Variants in KBTBD2 observed in about 807,000 individuals in gnomAD.
KBTBD2 encodes the protein kelch repeat and BTB domain containing 2.
In KBTBD2, 17 loss-of-function variants were observed where a neutral mutation model predicts 57.1. The ratio of observed to expected loss-of-function variants is 0.30; its 90% CI spans 0.20 to 0.45. The LOEUF is 0.45. Among genes scored for constraint, KBTBD2 ranks in the 20% least tolerant of loss-of-function variants. KBTBD2 has a pLI of 1.00. For synonymous variants in KBTBD2, 267 were observed against 262.7 expected (o/e 1.02, Z -0.16); for missense variants, 515 against 750.6 (o/e 0.69, Z 3.67).
Position 32,874,997 on chromosome 7 carries a change from G to A in KBTBD2, c.331C>T (p.Leu111=). The change falls in exon 3 of 4, where the codon CTA becomes TTA. Residue 111 remains leucine (L), a synonymous_variant. Coordinates refer to ENST00000304056, the MANE Select transcript of KBTBD2 (RefSeq NM_015483.3). ...VEQLYETACF[L]QVEDVLQRCR... Reference sequence around the variant, plus strand: ...AAAAATATATATATGCTTACCTGTAGGAAGCAAGCTGTTTCATAAAGCTGT... The same window carrying A: ...AAAAATATATATATGCTTACCTGTAAGAAGCAAGCTGTTTCATAAAGCTGT... 2 of 1,613,780 alleles carry A rather than the reference G, an allele frequency of 1.2e-6. No individual in the cohort carries two copies. The highest frequency in any genetic ancestry group is 1.3e-5 in the African/African-American group (1 of 75,026).
intron 3 of KBTBD2, among the ~76,000 whole-genome samples, chr7:32,872,110 G>C (rs1417894841): frequency 6.6e-6 from 1 of 152,110 alleles, no homozygotes; most frequent in African/African-American, 2.4e-5. Context: ...ACAGGGAGGA[G>C]GATTACTTGA....
Position 32,870,672 on chromosome 7 carries a change from C to A in KBTBD2, c.545G>T (p.Ser182Ile). 1 of 1,614,110 alleles carries A rather than the reference C, an allele frequency of 6.2e-7. No homozygotes were observed. Reference protein sequence around the residue: ...LSHDLLIDILSSDNLNVEKEE... With the variant: ...LSHDLLIDILISDNLNVEKEE... ...CTTTTCTACATTTAAATTGTCACTACTGAGAATATCTATCAGTAGGTCATG... is the reference window on the plus strand; with the variant it reads ...CTTTTCTACATTTAAATTGTCACTAATGAGAATATCTATCAGTAGGTCATG... The change falls in exon 4 of 4, where the codon AGT becomes ATT. Residue 182 changes from serine (S) to isoleucine (I), a missense_variant. Ser to Ile is a moderately radical substitution (Grantham distance 142). Transcript: ENST00000304056.
intron 1 of KBTBD2, among the ~76,000 whole-genome samples, chr7:32,883,735 A>C (rs1270379210): frequency 6.6e-6 from 1 of 152,246 alleles, no homozygotes; most frequent in Non-Finnish European, 1.5e-5. Context: ...TTCTGAATGA[A>C]TGGCTAAATT....
rs1431356574 is a variant in KBTBD2, at chr7:32,868,745, A to AAGTT, written c.*596_*599dup. On this transcript the variant is annotated 3_prime_UTR_variant, in exon 4 of 4. Coordinates refer to ENST00000304056, the MANE Select transcript of KBTBD2 (RefSeq NM_015483.3). ...ACCTGTATTCTAGATAGACAAGTATAAGTTAGTGAAAAGAGAATACATGCA... is the reference window on the plus strand; with the variant it reads ...ACCTGTATTCTAGATAGACAAGTATAAGTTAGTTAGTGAAAAGAGAATACATGCA... The AAGTT allele has an allele frequency of 6.5e-6, 1 of 152,672 alleles. No individual in the cohort carries two copies. The highest frequency in any genetic ancestry group is 2.4e-5 in the African/African-American group (1 of 41,448). 9.5% of individuals were successfully genotyped at this position (152,672 alleles called of 1,614,324 possible). A position where few individuals can be genotyped will look rare whatever the true frequency, so the allele number is the denominator to read the frequency against.
chr7:32,869,242 T>C lies in KBTBD2; in HGVS notation c.*103A>G, dbSNP rs1784104624. 3 of 780,364 alleles carry C rather than the reference T, an allele frequency of 3.8e-6. No individual in the cohort carries two copies. Among genetic ancestry groups the C allele is most frequent in the Non-Finnish European group, 6.1e-6 (3 of 491,748 alleles). The allele number at this position is 780,364 out of a possible 1,614,324, so 48.3% of individuals were successfully genotyped here. ...GCATAAAAATAAAATTTATCAAAGATAGAATTTTATGTACTCATATTTAGT... is the reference window on the plus strand; with the variant it reads ...GCATAAAAATAAAATTTATCAAAGACAGAATTTTATGTACTCATATTTAGT... On this transcript the variant is annotated 3_prime_UTR_variant, in exon 4 of 4. Transcript: ENST00000304056.
chr7:32,879,655 C>A lies in KBTBD2; in HGVS notation c.-51G>T. On this transcript the variant is annotated 5_prime_UTR_variant, in exon 2 of 4. Transcript: ENST00000304056. ...GAACAGATTAGAAAAGTCCGTCTTA[C>A]TGATGGAAGGTCAAGTGAATACTTC... 6.8e-7 allele frequency: 1 copy of A among 1,476,204 alleles called. No individual in the cohort carries two copies. Among genetic ancestry groups the A allele is most frequent in the Non-Finnish European group, 9.4e-7 (1 of 1,067,100 alleles). The allele number at this position is 1,476,204 out of a possible 1,614,324, so 91.4% of individuals were successfully genotyped here.
intron 1 of KBTBD2, among the ~76,000 whole-genome samples, chr7:32,880,570 T>G (rs576701305): frequency 1.1e-3 from 165 of 148,864 alleles, no homozygotes; most frequent in African/African-American, 3.8e-3. Context: ...AAACATAAAA[T>G]GTAATGGGTA....
chr7:32,870,930 C>T lies in KBTBD2; in HGVS notation c.337-50G>A, dbSNP rs755061209. The stretch of plus-strand genomic sequence containing the variant: ...CAGGCTGATAGGGCCAGGACAGACA[C>T]ATTTTACTTTTATGTAAGACGTAAG... On this transcript the variant is annotated intron_variant, in intron 3 of 3. Coordinates refer to ENST00000304056, the MANE Select transcript of KBTBD2 (RefSeq NM_015483.3). 3 of 1,159,536 alleles carry T rather than the reference C, an allele frequency of 2.6e-6. No individual in the cohort carries two copies. The Admixed American group carries it at 8.6e-5, about 33-fold the overall frequency. 71.8% of individuals were successfully genotyped at this position (1,159,536 alleles called of 1,614,324 possible).
rs941909211 is a variant in KBTBD2 at position 32,891,619 on chromosome 7, G to T, written c.-422C>A. 1 of 149,770 alleles carries T rather than the reference G, an allele frequency of 6.7e-6. No homozygotes were observed. Among genetic ancestry groups the T allele is most frequent in the Non-Finnish European group, 1.5e-5 (1 of 67,184 alleles). The allele number at this position is 149,770 out of a possible 1,614,324, so 9.3% of individuals were successfully genotyped here. The stretch of plus-strand genomic sequence containing the variant: ...GGGCCCCTCCGGCGCGGCGGCGGGG[G>T]CGTGGCCCTCCCGCCGCGGCCTCGC... On this transcript the variant is annotated 5_prime_UTR_variant, in exon 1 of 4. Transcript: ENST00000304056.
chr7:32,887,141 A>T (rs182159672), intron 1 of KBTBD2, among the ~76,000 whole-genome samples: 2 of 152,342 alleles, frequency 1.3e-5, no homozygotes, highest in East Asian at 3.9e-4. Context: ...CGAATAAAGG[A>T]TTAAAGAACT....
At chr7:32,879,369 T>A in intron 2 of KBTBD2, 66 bp downstream of exon 2, 1 of 1,231,000 alleles carries the variant, frequency 8.1e-7, no homozygotes. Context: ...AAAATTGAGA[T>A]GTGGCTTTTT....
intron 1 of KBTBD2, among the ~76,000 whole-genome samples, chr7:32,884,156 T>C (rs933575079): frequency 2.0e-5 from 3 of 152,186 alleles, no homozygotes; most frequent in South Asian, 2.1e-4. Context: ...GAAAAACTTA[T>C]TGAAGACCTA....
At chr7:32,878,304 T>C (rs1158607568) in intron 2 of KBTBD2, among the ~76,000 whole-genome samples, 1 of 151,100 alleles carries the variant, frequency 6.6e-6, no homozygotes, top group African/African-American at 2.4e-5. Flanking sequence ...GAACAGGCGG[T>C]GCGCAGTGGC....
At position 32,891,319 on chromosome 7, in the gene KBTBD2, TGGGGCCGCCGC is replaced by T. The variant is rs1196058178; in HGVS notation, c.-339+206_-339+216del. ...GGACCTGCCCGGAGCTCCGCCGCCC[TGGGGCCGCCGC>T]GGGGTGCGGAGGGCGGCGCCGGCCG... is the stretch of plus-strand genomic sequence containing the variant. On this transcript the variant is annotated intron_variant, in intron 1 of 3. Transcript: ENST00000304056. Among the ~76,000 whole-genome samples the T allele has an allele frequency of 1.7e-4, 25 of 147,958 alleles. 1 individual carries two copies. In the South Asian group the frequency reaches 5.0e-3, roughly 30 times the overall value.
At chr7:32,874,926 G>A (rs1308235896) in intron 3 of KBTBD2, 66 bp downstream of exon 3, 26 of 1,381,374 alleles carry the variant, frequency 1.9e-5, no homozygotes, top group South Asian at 1.5e-4. Flanking sequence ...AGCGGAGATC[G>A]TGCCACTGCA....
chr7:32,882,454 G>A lies in KBTBD2; in HGVS notation c.-338-2512C>T, dbSNP rs977961196. On this transcript the variant is annotated intron_variant, in intron 1 of 3. Transcript: ENST00000304056. ...TTTACGACTGGGTTTTGCCAGATTT[G>A]ATTTTTTATCGTATCCATGAAACCG... Among the ~76,000 whole-genome samples, 4 of 152,242 alleles carry A rather than the reference G, an allele frequency of 2.6e-5. No homozygotes were observed. The South Asian group carries it at 8.3e-4, about 32-fold the overall frequency.
At chr7:32,876,951 C>T (rs1381287650) in intron 2 of KBTBD2, among the ~76,000 whole-genome samples, 1 of 152,102 alleles carries the variant, frequency 6.6e-6, no homozygotes. Context: ...AAGTGAAACT[C>T]CACCTCAAAA....
At chr7:32,888,764 C>A (rs1264446620) in intron 1 of KBTBD2, among the ~76,000 whole-genome samples, 3 of 151,550 alleles carry the variant, frequency 2.0e-5, no homozygotes, top group African/African-American at 4.8e-5. Context: ...TAGGTCTGTT[C>A]TCTCTTTCCA....
chr7:32,885,901 T>G (rs570967077), intron 1 of KBTBD2, among the ~76,000 whole-genome samples: 8 of 119,070 alleles, frequency 6.7e-5, no homozygotes, highest in Non-Finnish European at 1.2e-4. Flanking sequence ...TCCTCCACTG[T>G]CTACACACTT....
Sources: gnomAD v4.1 joint callset for allele counts (sites outside exome capture counted in the v4.1 genomes callset) on GRCh38, gnomAD v4.1.1 for gene constraint, MANE v1.5 for transcripts, NCBI Gene and HGNC (gene_info 2026-07-23, HGNC 2026-07-21) for gene names.